Variants in TENT4A observed in about 807,000 individuals in gnomAD.
TENT4A encodes the protein DNA polymerase kappa.
A neutral mutation model predicts 72.8 loss-of-function variants in TENT4A; 7 were observed. The ratio of observed to expected loss-of-function variants is 0.10; its 90% CI spans 0.05 to 0.18. The LOEUF (loss-of-function observed/expected upper bound fraction) is 0.18. Ranked by LOEUF, TENT4A falls within the 10% of genes least tolerant of loss-of-function variation. The pLI, the probability that TENT4A is intolerant of heterozygous loss-of-function variation, is 1.00. For missense variants in TENT4A, 831 were observed against 1,017.7 expected, an observed-to-expected ratio of 0.82 and a Z score of 2.50; for synonymous variants, 456 against 434.3, an observed-to-expected ratio of 1.05 and a Z score of -0.62.
intron 8 of TENT4A, 81 bp downstream of exon 8, chr5:6,748,671 T>C: frequency 7.2e-7 from 1 of 1,392,360 alleles, no homozygotes; most frequent in South Asian, 1.3e-5. Flanking sequence ...TTTACCTCCA[T>C]GAAATTTATG....
At chr5:6,728,153 G>A (rs1741030290) in intron 1 of TENT4A, among the ~76,000 whole-genome samples, 1 of 152,200 alleles carries the variant, frequency 6.6e-6, no homozygotes, top group Non-Finnish European at 1.5e-5. Flanking sequence ...GCGCCCGTGA[G>A]GTGTAGGCAG....
intron 4 of TENT4A, among the ~76,000 whole-genome samples, chr5:6,740,200 G>C (rs1263228080): frequency 1.3e-5 from 2 of 152,218 alleles, no homozygotes; most frequent in Non-Finnish European, 2.9e-5. Context: ...CCATTATGGA[G>C]AGTGTGGCTC....
Position 6,752,983 on chromosome 5 carries a change from G to A in TENT4A, c.2130G>A (p.Pro710=), listed in dbSNP as rs139125630. ...SLKAVHHMSS[P]AIPSASPNPL... ...AAGCCGTCCACCACATGTCTTCCCC[G>A]GCCATTCCCTCAGCGTCCCCCAACC... The change falls in exon 12 of 13, where the codon CCG becomes CCA. Residue 710 remains proline (P), a synonymous_variant. Coordinates refer to ENST00000230859, the MANE Select transcript of TENT4A (RefSeq NM_006999.6). 3.0e-5 allele frequency: 49 copies of A among 1,614,126 alleles called. No individual in the cohort carries two copies. The highest frequency in any genetic ancestry group is 2.4e-4 in the African/African-American group (18 of 75,018).
chr5:6,714,531 T>A lies in TENT4A; in HGVS notation c.548T>A (p.Phe183Tyr), dbSNP rs1740260284. The change falls in exon 1 of 13, where the codon TTC becomes TAC. Residue 183 changes from phenylalanine (F) to tyrosine (Y), a missense_variant. Coordinates refer to ENST00000230859, the MANE Select transcript of TENT4A (RefSeq NM_006999.6). ...GCCGGCTCCCCGTCGCAGCACCAGT[T>A]CCACCCGGGTCGCCGGAAACGCGAG... ...APAGSPSQHQ[F>Y]HPGRRKRENK... The A allele has an allele frequency of 8.4e-7, 1 of 1,193,912 alleles. No homozygotes were observed. Among genetic ancestry groups the A allele is most frequent in the Non-Finnish European group, 1.0e-6 (1 of 963,466 alleles). 74.0% of individuals were successfully genotyped at this position (1,193,912 alleles called of 1,614,324 possible). A position where few individuals can be genotyped will look rare whatever the true frequency, so the allele number is the denominator to read the frequency against.
In TENT4A at chr5:6,713,645, A is replaced by T. The variant is rs1205974792; in HGVS notation, c.-339A>T. On this transcript the variant is annotated 5_prime_UTR_variant, in exon 1 of 13. Transcript: ENST00000230859. ...TGGCCTCTCCCCGCGGCCCGAGTGG[A>T]ACGCCGCCGCCGCCGCGGCCCCCGC... The T allele has an allele frequency of 6.9e-6, 1 of 143,982 alleles. No individual in the cohort carries two copies. The highest frequency in any genetic ancestry group is 6.9e-5 in the Admixed American group (1 of 14,588). 8.9% of individuals were successfully genotyped at this position (143,982 alleles called of 1,614,324 possible).
In TENT4A at chr5:6,753,033, A is replaced by G. The variant is rs760925031; in HGVS notation, c.2180A>G (p.His727Arg). The G allele has an allele frequency of 3.1e-6, 5 of 1,613,880 alleles. No individual in the cohort carries two copies. Among genetic ancestry groups the G allele is most frequent in the Admixed American group, 3.3e-5 (2 of 59,992 alleles). ...PNPLSSPHLY[H>R]KQHNGMKLSM... ...CCGCTCTCGAGCCCTCATCTGTATC[A>G]TAAGGTATAGCTCTGTCCTGGTGCA... Residue 727 changes from histidine (H) to arginine (R), a missense_variant, in exon 12 of 13, where the codon CAT becomes CGT. Physicochemically the swap from His to Arg is conservative, Grantham distance 29. Around this residue, in one of 3 missense-constraint regions of TENT4A, gnomAD observed 332 missense variants for 324.3 expected, o/e 1.02. Transcript: ENST00000230859.
chr5:6,723,910 A>G (rs1366931169), intron 1 of TENT4A, among the ~76,000 whole-genome samples: 1 of 152,172 alleles, frequency 6.6e-6, no homozygotes, highest in African/African-American at 2.4e-5. Flanking sequence ...TGTCACCTGG[A>G]GTATTCTTAG....
chr5:6,754,969 C>T lies in TENT4A; in HGVS notation c.*24C>T. ...AATGGCTCCTGGCTGCGTCAGCCTC[C>T]CCCACCCCTCTGCAGACTGCCCCGC... On this transcript the variant is annotated 3_prime_UTR_variant, in exon 13 of 13. Transcript: ENST00000230859. 2 of 1,550,038 alleles carry T rather than the reference C, an allele frequency of 1.3e-6. No homozygotes were observed. Among genetic ancestry groups the T allele is most frequent in the Non-Finnish European group, 1.8e-6 (2 of 1,138,728 alleles).
At position 6,748,583 on chromosome 5, in the gene TENT4A, G is replaced by A. The variant is rs1363683837; in HGVS notation, c.1579G>A (p.Ala527Thr). Residue 527 changes from alanine to threonine, a missense_variant, in exon 8 of 13, where the codon GCC becomes ACC. By Grantham distance (58) the Ala-to-Thr change is moderately conservative. This residue lies in a region of TENT4A where 197 missense variants were observed against 399.6 expected (regional missense o/e 0.49). Coordinates refer to ENST00000230859, the MANE Select transcript of TENT4A (RefSeq NM_006999.6). ...GGCCAGGTCCTATCCAAACAGAGAC[G>A]CCGAAAGGTAATGGGTTGTGTGTCT... ...PLARSYPNRD[A>T]ESTLGRIIKV... 9.3e-6 allele frequency: 15 copies of A among 1,612,812 alleles called. No homozygotes were observed. Among genetic ancestry groups the A allele is most frequent in the Admixed American group, 6.7e-5 (4 of 59,984 alleles).
chr5:6,713,879 G>GA lies in TENT4A; in HGVS notation c.-105_-104insA. On this transcript the variant is annotated 5_prime_UTR_variant, in exon 1 of 13. Transcript: ENST00000230859. ...GCCGCCGCCGCCGCCACCGGCCCAG[G>GA]CCCGTCCGTCCGTCCGTGCGCGCGC... 1 of 240,686 alleles carries GA rather than the reference G, an allele frequency of 4.2e-6. No homozygotes were observed. Among genetic ancestry groups the GA allele is most frequent in the Non-Finnish European group, 6.5e-6 (1 of 153,150 alleles). 14.9% of individuals were successfully genotyped at this position (240,686 alleles called of 1,614,324 possible). A position where few individuals can be genotyped will look rare whatever the true frequency, so the allele number is the denominator to read the frequency against.
At position 6,756,917 on chromosome 5, in the gene TENT4A, T is replaced by C. The variant is rs922437261; in HGVS notation, c.*1972T>C. ...CCTGGCTACCACTGTGGTCGCGTGC[T>C]ACAGGTTTGACAAAAAGATATCATG... On this transcript the variant is annotated 3_prime_UTR_variant, in exon 13 of 13. Transcript: ENST00000230859. The C allele has an allele frequency of 6.6e-6, 1 of 152,662 alleles. No individual in the cohort carries two copies. The highest frequency in any genetic ancestry group is 6.5e-5 in the Admixed American group (1 of 15,288). The allele number at this position is 152,662 out of a possible 1,614,324, so 9.5% of individuals were successfully genotyped here.
At chr5:6,752,380 C>G (rs990355435) in intron 11 of TENT4A, among the ~76,000 whole-genome samples, 1 of 152,262 alleles carries the variant, frequency 6.6e-6, no homozygotes, top group African/African-American at 2.4e-5. Context: ...TATTGCAAGT[C>G]TGAGAAAAGG....
At position 6,714,312 on chromosome 5, in the gene TENT4A, C is replaced by T. The variant is rs1740246949; in HGVS notation, c.329C>T (p.Ser110Phe). The change falls in exon 1 of 13, where the codon TCC (serine) becomes TTC (phenylalanine). Residue 110 changes from serine (S) to phenylalanine (F), a missense_variant. Around this residue, in one of 3 missense-constraint regions of TENT4A, gnomAD observed 302 missense variants for 293.8 expected, o/e 1.03. Transcript: ENST00000230859. ...TTGCACAAGTCGCCGTCGCTGTCGT[C>T]CTCGTCGTCGTCCTCCTCGTCCAAC... ...RRLHKSPSLS[S>F]SSSSSSSNAE... 2 of 1,109,934 alleles carry T rather than the reference C, an allele frequency of 1.8e-6. No individual in the cohort carries two copies. Among genetic ancestry groups the T allele is most frequent in the African/African-American group, 1.7e-5 (1 of 59,732 alleles). The allele number at this position is 1,109,934 out of a possible 1,614,324, so 68.8% of individuals were successfully genotyped here.
At chr5:6,719,685 G>A (rs181276655) in intron 1 of TENT4A, among the ~76,000 whole-genome samples, 1 of 152,324 alleles carries the variant, frequency 6.6e-6, no homozygotes, top group Admixed American at 6.5e-5. Context: ...CAAGTTACCT[G>A]ACCTGTTGGG....
At chr5:6,750,645 GC>G in intron 10 of TENT4A, 142 bp downstream of exon 10, 1 of 721,700 alleles carries the variant, frequency 1.4e-6, no homozygotes. Flanking sequence ...GTGGGGGGCA[GC>G]CCCGTGATGT....
In TENT4A at chr5:6,742,565, C is replaced by G; in HGVS notation, c.1084C>G (p.Arg362Gly). Residue 362 changes from arginine (R) to glycine (G), a missense_variant, in exon 5 of 13, where the codon CGG becomes GGG. Arg to Gly is a moderately radical substitution (Grantham distance 125). This residue lies in a region of TENT4A where 197 missense variants were observed against 399.6 expected (regional missense o/e 0.49). Coordinates refer to ENST00000230859, the MANE Select transcript of TENT4A (RefSeq NM_006999.6). ...CAGCTTTAACATGGAGACGGGCGTC[C>G]GGGCAGCGGAGTTCATCAAGAATTA... ...DISFNMETGVRAAEFIKNYMK... is the reference protein window; with the variant it reads ...DISFNMETGVGAAEFIKNYMK... 1 of 1,612,680 alleles carries G rather than the reference C, an allele frequency of 6.2e-7. No individual in the cohort carries two copies. The highest frequency in any genetic ancestry group is 8.5e-7 in the Non-Finnish European group (1 of 1,178,708).
chr5:6,726,138 A>G (rs999539361), intron 1 of TENT4A, among the ~76,000 whole-genome samples: 2 of 152,090 alleles, frequency 1.3e-5, no homozygotes, highest in African/African-American at 4.8e-5. Context: ...GTTGCACCGA[A>G]CCCTTACCGA....
rs1485669177 is a variant in TENT4A at position 6,714,083 on chromosome 5, G to C, written c.100G>C (p.Gly34Arg). The C allele has an allele frequency of 1.0e-6, 1 of 989,376 alleles. No individual in the cohort carries two copies. Among genetic ancestry groups the C allele is most frequent in the African/African-American group, 1.8e-5 (1 of 56,766 alleles). The allele number at this position is 989,376 out of a possible 1,614,324, so 61.3% of individuals were successfully genotyped here. Residue 34 changes from glycine (G) to arginine (R), a missense_variant, in exon 1 of 13, where the codon GGC becomes CGC. Gly to Arg is a moderately radical substitution (Grantham distance 125, BLOSUM62 -2). Transcript: ENST00000230859. ...GACCTCGCAGGGCGTGGGCCGCGGC[G>C]GCTCGGGCTTCGCGTCCTATTTCTG... ...WETSQGVGRG[G>R]SGFASYFCLN...
chr5:6,717,970 A>C (rs74627556), intron 1 of TENT4A, among the ~76,000 whole-genome samples: 2,855 of 152,342 alleles, frequency 0.019, 36 homozygotes, highest in South Asian at 0.049. Flanking sequence ...GGAAGAATGT[A>C]GTTGAACGAG....
Sources: allele counts gnomAD v4.1 joint callset (sites outside exome capture counted in the v4.1 genomes callset), GRCh38; gene constraint gnomAD v4.1.1; regional missense constraint gnomAD v4.1.1; transcripts MANE v1.5; gene names NCBI Gene and HGNC (gene_info 2026-07-23, HGNC 2026-07-21).